WHRN: variants seen among roughly 807,000 people sequenced by gnomAD.
WHRN encodes the protein CASK-interacting protein CIP98.
A neutral mutation model predicts 68.3 loss-of-function variants in WHRN; 41 were observed. The ratio of observed to expected loss-of-function variants is 0.60; its 90% CI spans 0.47 to 0.78. The LOEUF is 0.78. Among genes scored for constraint, WHRN ranks in the 30% least tolerant of loss-of-function variants. The pLI, the probability that WHRN is intolerant of heterozygous loss-of-function variation, is 0.00. For synonymous variants in WHRN, 560 were observed against 561.3 expected (o/e 1.00, Z 0.03); for missense variants, 1,243 against 1,244.7 (o/e 1.00, Z 0.02).
In WHRN at chr9:114,504,586, G is replaced by C. The variant is rs374078599; in HGVS notation, c.216C>G (p.Phe72Leu). ...LNAYHARRNV[F>L]DLVRTLRVLL... The stretch of plus-strand genomic sequence containing the variant: ...GCACGCGCAGGGTGCGCACCAGGTC[G>C]AAGACGTTGCGGCGCGCGTGGTAAG... The change falls in exon 1 of 12, where the codon TTC (phenylalanine) becomes TTG (leucine). Residue 72 changes from phenylalanine to leucine, a missense_variant. Transcript: ENST00000362057. 4 of 1,611,366 alleles carry C rather than the reference G, an allele frequency of 2.5e-6. No homozygotes were observed. The highest frequency in any genetic ancestry group is 2.7e-5 in the African/African-American group (2 of 74,936).
At chr9:114,407,778 T>G (rs544672034) in intron 8 of WHRN, among the ~76,000 whole-genome samples, 169 bp downstream of exon 8, 1 of 152,260 alleles carries the variant, frequency 6.6e-6, no homozygotes, top group Admixed American at 6.5e-5. Flanking sequence ...GATACTAGAA[T>G]GGTGAGCTTG....
chr9:114,460,676 C>T (rs762471375), intron 3 of WHRN, among the ~76,000 whole-genome samples: 24 of 151,854 alleles, frequency 1.6e-4, no homozygotes, highest in Non-Finnish European at 2.5e-4. Flanking sequence ...TGCCTGACCC[C>T]CCAAGTGCTT....
chr9:114,503,719 G>A, intron 1 of WHRN: 1 of 169,924 alleles, frequency 5.9e-6, no homozygotes, highest in South Asian at 1.4e-4. Context: ...AAACAGCAGC[G>A]TCAAGCCAGT....
chr9:114,503,404 A>G (rs1450076725), intron 1 of WHRN: 1 of 153,750 alleles, frequency 6.5e-6, no homozygotes, highest in Non-Finnish European at 1.4e-5. Flanking sequence ...AACACTATCC[A>G]TCATACTCCA....
At chr9:114,426,756 G>A (rs990679573) in intron 3 of WHRN, among the ~76,000 whole-genome samples, 2 of 152,206 alleles carry the variant, frequency 1.3e-5, no homozygotes, top group African/African-American at 4.8e-5. Context: ...GGGGTAGGAT[G>A]AGGCAAGCCA....
intron 3 of WHRN, among the ~76,000 whole-genome samples, chr9:114,437,015 C>T (rs1348649531): frequency 1.3e-5 from 2 of 152,102 alleles, no homozygotes; most frequent in South Asian, 2.1e-4. Context: ...AGAGAAGCTA[C>T]CAGACACTAA....
At chr9:114,430,620 C>T (rs771395764) in intron 3 of WHRN, among the ~76,000 whole-genome samples, 6 of 152,162 alleles carry the variant, frequency 3.9e-5, no homozygotes, top group Non-Finnish European at 7.3e-5. Flanking sequence ...TCATCCTAGG[C>T]ATTAATATGC....
intron 7 of WHRN, among the ~76,000 whole-genome samples, chr9:114,417,110 T>G (rs1356769851): frequency 6.6e-6 from 1 of 152,228 alleles, no homozygotes; most frequent in Non-Finnish European, 1.5e-5. Flanking sequence ...CATAAAATGC[T>G]CAGGGCTGGC....
At chr9:114,473,208 G>A (rs1841386005) in intron 2 of WHRN, among the ~76,000 whole-genome samples, 1 of 152,208 alleles carries the variant, frequency 6.6e-6, no homozygotes, top group South Asian at 2.1e-4. Context: ...TAAAGCTCAT[G>A]GGCAAATGAC....
At chr9:114,413,884 G>A (rs1835631560) in intron 7 of WHRN, among the ~76,000 whole-genome samples, 1 of 152,146 alleles carries the variant, frequency 6.6e-6, no homozygotes. Context: ...AACAGACCAG[G>A]CTTCCTCCTG....
chr9:114,491,934 G>A (rs10759713), intron 1 of WHRN, among the ~76,000 whole-genome samples: 57,601 of 151,356 alleles, frequency 0.38, 13,253 homozygotes, highest in East Asian at 0.58. Context: ...GGTCACTCCC[G>A]GGGTGACAAG....
rs761263741 is a variant in WHRN, at chr9:114,424,508, G to A, written c.1242C>T (p.Thr414=). The stretch of plus-strand genomic sequence containing the variant: ...GTGTCTGGTTCCCCAGGCTGCTCAG[G>A]GTCACCTGGGAGCCGGCTGGGCCCT... ...FYKGPAGSQV[T]LSSLGNQTRV... Residue 414 remains threonine (T), a synonymous_variant, in exon 6 of 12, where the codon ACC becomes ACT. Coordinates refer to ENST00000362057, the MANE Select transcript of WHRN (RefSeq NM_015404.4). 3.1e-6 allele frequency: 5 copies of A among 1,613,928 alleles called. No individual in the cohort carries two copies. In the South Asian group the frequency reaches 4.4e-5, roughly 14 times the overall value.
chr9:114,493,173 G>A (rs149423438), intron 1 of WHRN, among the ~76,000 whole-genome samples: 2,290 of 151,612 alleles, frequency 0.015, 34 homozygotes, highest in Admixed American at 0.046. Context: ...GACATAGTGA[G>A]ACCTCATCTC....
At chr9:114,495,884 A>G (rs1333181489) in intron 1 of WHRN, among the ~76,000 whole-genome samples, 3 of 152,204 alleles carry the variant, frequency 2.0e-5, no homozygotes, top group African/African-American at 7.2e-5. Flanking sequence ...GGACAGGAGG[A>G]TGGACATGGC....
chr9:114,436,789 A>G (rs1159358557), intron 3 of WHRN, among the ~76,000 whole-genome samples: 1 of 152,182 alleles, frequency 6.6e-6, no homozygotes, highest in East Asian at 1.9e-4. Context: ...AGATTGCGCC[A>G]CTGCACTCCA....
chr9:114,472,131 G>A (rs1489322040), intron 2 of WHRN, among the ~76,000 whole-genome samples: 2 of 152,254 alleles, frequency 1.3e-5, no homozygotes, highest in Non-Finnish European at 2.9e-5. Context: ...ATCCAGGGCT[G>A]TTGTGAGGAT....
In WHRN at chr9:114,481,683, C is replaced by T. The variant is rs117016303; in HGVS notation, c.619-2912G>A. On this transcript the variant is annotated intron_variant, in intron 1 of 11. Coordinates refer to ENST00000362057, the MANE Select transcript of WHRN (RefSeq NM_015404.4). Reference sequence around the variant, plus strand: ...TCCGCCCGGCCTGCCTCCTTCTCTGCTCCTTCCTAGACAGACTGCAACACT... The same window carrying T: ...TCCGCCCGGCCTGCCTCCTTCTCTGTTCCTTCCTAGACAGACTGCAACACT... Among the ~76,000 whole-genome samples, 365 of 152,350 alleles carry T rather than the reference C, an allele frequency of 2.4e-3. 5 individuals carry two copies. The South Asian group carries it at 0.033, about 14-fold the overall frequency.
At chr9:114,503,008 A>G (rs999424225) in intron 1 of WHRN, 49 of 495,402 alleles carry the variant, frequency 9.9e-5, no homozygotes, top group African/African-American at 9.3e-4. Context: ...GAAGTTTCTG[A>G]AAGCCTCAAG....
rs869082212 is a variant in WHRN, at chr9:114,486,940, GT to G, written c.619-8170del. ...GTGTGTGTGTAGAGTGTGTGTGTGT[GT>G]TGTGTGTGTGTGTGTGTGTATATAT... On this transcript the variant is annotated intron_variant, in intron 1 of 11. Coordinates refer to ENST00000362057, the MANE Select transcript of WHRN (RefSeq NM_015404.4). 2.2e-3 allele frequency among the ~76,000 whole-genome samples: 18 copies of G among 8,140 alleles called. 1 individual carries two copies. The South Asian group carries it at 0.028, about 13-fold the overall frequency. The allele number at this position is 8,140 out of a possible 152,430, so 5.3% of individuals were successfully genotyped here. A position where few individuals can be genotyped will look rare whatever the true frequency, so the allele number is the denominator to read the frequency against.
Sources: gnomAD v4.1 joint callset for allele counts (sites outside exome capture counted in the v4.1 genomes callset) on GRCh38, gnomAD v4.1.1 for gene constraint, MANE v1.5 for transcripts, NCBI Gene and HGNC (gene_info 2026-07-23, HGNC 2026-07-21) for gene names.